CTIF: variants seen among roughly 807,000 people sequenced by gnomAD.
CTIF encodes the protein cap binding complex dependent translation initiation factor.
Under a neutral mutation model 66.0 loss-of-function variants are expected in CTIF, and 21 were observed. That is an observed-to-expected ratio of 0.32 (90% CI 0.23 to 0.46). The LOEUF is 0.46. Among genes scored for constraint, CTIF ranks in the 20% least tolerant of loss-of-function variants. The probability of loss-of-function intolerance (pLI) is 1.00; values close to 1 mark genes in which losing one functional copy is unlikely to be tolerated. For missense variants in CTIF, 739 were observed against 812.7 expected (o/e 0.91, Z 1.10); for synonymous variants, 345 against 326.4 (o/e 1.06, Z -0.62).
intron 9 of CTIF, among the ~76,000 whole-genome samples, chr18:48,775,464 C>T (rs1021464948): frequency 1.3e-5 from 2 of 152,214 alleles, no homozygotes; most frequent in South Asian, 2.1e-4. Flanking sequence ...CAGGGGCCCC[C>T]GGCACAGTAG....
chr18:48,565,326 G>A (rs2089255782), intron 1 of CTIF: 1 of 152,128 alleles, frequency 6.6e-6, no homozygotes, highest in Non-Finnish European at 1.5e-5. Flanking sequence ...CCCTTCTACA[G>A]GAAACAGCTG....
At chr18:48,639,299 G>A (rs748548161) in intron 3 of CTIF, among the ~76,000 whole-genome samples, 26 of 152,348 alleles carry the variant, frequency 1.7e-4, no homozygotes, top group Non-Finnish European at 2.1e-4. Flanking sequence ...TCAACCAGGA[G>A]TGTTTGCAGG....
At chr18:48,793,335 A>G (rs1335029852) in intron 9 of CTIF, among the ~76,000 whole-genome samples, 3 of 152,190 alleles carry the variant, frequency 2.0e-5, no homozygotes, top group Admixed American at 6.5e-5. Context: ...TTATCATTTT[A>G]TTCCTTGGTA....
At chr18:48,781,382 C>T (rs543160651) in intron 9 of CTIF, among the ~76,000 whole-genome samples, 8 of 152,062 alleles carry the variant, frequency 5.3e-5, no homozygotes, top group African/African-American at 1.4e-4. Context: ...AAAGAGGGTG[C>T]GGGGGATTTG....
At chr18:48,645,476 A>AG (rs1184842022) in intron 3 of CTIF, among the ~76,000 whole-genome samples, 1 of 152,136 alleles carries the variant, frequency 6.6e-6, no homozygotes, top group Admixed American at 6.5e-5. Context: ...GCCAAGACCA[A>AG]GTGGGAGCTC....
chr18:48,667,841 A>T (rs1568119152), intron 5 of CTIF, among the ~76,000 whole-genome samples: 1 of 152,220 alleles, frequency 6.6e-6, no homozygotes, highest in South Asian at 2.1e-4. Flanking sequence ...GTCTGAGTGC[A>T]GTGTCTGTGG....
chr18:48,658,434 T>G (rs1323759153), intron 3 of CTIF, among the ~76,000 whole-genome samples: 2 of 114,492 alleles, frequency 1.7e-5, no homozygotes, highest in Admixed American at 1.9e-4. Context: ...GGTGTGTATA[T>G]GGGTGTGGTG....
At chr18:48,839,840 TG>T (rs10716298) in intron 10 of CTIF, among the ~76,000 whole-genome samples, 24,415 of 152,136 alleles carry the variant, frequency 0.16, 2,468 homozygotes, top group Admixed American at 0.26. Context: ...TTTATGTCAC[TG>T]GGGGGCTGCA....
intron 3 of CTIF, among the ~76,000 whole-genome samples, chr18:48,641,989 A>C (rs529917463): frequency 2.0e-4 from 31 of 152,386 alleles, no homozygotes; most frequent in Non-Finnish European, 3.7e-4. Context: ...GCTACCCTTC[A>C]GTAATTATAG....
At chr18:48,783,332 C>T (rs745494870) in intron 9 of CTIF, among the ~76,000 whole-genome samples, 13 of 152,192 alleles carry the variant, frequency 8.5e-5, no homozygotes, top group Non-Finnish European at 1.5e-4. Context: ...CTGGCTACTA[C>T]TCTGAGATTG....
At chr18:48,606,392 A>G (rs1398442043) in intron 1 of CTIF, among the ~76,000 whole-genome samples, 1 of 152,220 alleles carries the variant, frequency 6.6e-6, no homozygotes. Context: ...ATACTGTTCC[A>G]GGGTCCCCAT....
chr18:48,545,385 T>C (rs2088721573), intron 1 of CTIF, among the ~76,000 whole-genome samples: 1 of 151,796 alleles, frequency 6.6e-6, no homozygotes, highest in African/African-American at 2.4e-5. Flanking sequence ...GGTGAGGCAG[T>C]AACAGGCTCT....
intron 7 of CTIF, among the ~76,000 whole-genome samples, chr18:48,715,385 C>T (rs1478647028): frequency 6.6e-6 from 1 of 152,224 alleles, no homozygotes; most frequent in African/African-American, 2.4e-5. Context: ...CAAAATTATG[C>T]ATTTTGTGAC....
In CTIF at chr18:48,690,529, A is replaced by C. The variant is rs183615469; in HGVS notation, c.507+19785A>C. On this transcript the variant is annotated intron_variant, in intron 6 of 11. Transcript: ENST00000256413. ...TTCCCTATCTTGCACCCCATGTAAC[A>C]GCACACTGGACTAGCTGTGGAGCCC... Among the ~76,000 whole-genome samples the C allele has an allele frequency of 5.9e-5, 9 of 152,266 alleles. No homozygotes were observed. In the East Asian group the frequency reaches 1.5e-3, roughly 26 times the overall value.
intron 10 of CTIF, among the ~76,000 whole-genome samples, chr18:48,823,641 A>T (rs1157276916): frequency 6.6e-6 from 1 of 152,200 alleles, no homozygotes; most frequent in Admixed American, 6.5e-5. Context: ...TGCTTTGGCT[A>T]TTTGGGCTCT....
At chr18:48,579,376 C>A (rs896018424) in intron 1 of CTIF, among the ~76,000 whole-genome samples, 1 of 152,136 alleles carries the variant, frequency 6.6e-6, no homozygotes, top group Non-Finnish European at 1.5e-5. Flanking sequence ...GCACTCCTGA[C>A]CTCAAGTGAC....
chr18:48,777,983 G>A (rs55929545), intron 9 of CTIF, among the ~76,000 whole-genome samples: 15,447 of 152,246 alleles, frequency 0.1, 1,209 homozygotes, highest in East Asian at 0.45. Context: ...GTGGGCAGCC[G>A]TAGAGTCACT....
Position 48,723,302 on chromosome 18 carries a change from T to C in CTIF, c.584+11607T>C, listed in dbSNP as rs766304613. Among the ~76,000 whole-genome samples, 6 of 152,002 alleles carry C rather than the reference T, an allele frequency of 3.9e-5. No individual in the cohort carries two copies. The South Asian group carries it at 1.0e-3, about 26-fold the overall frequency. On this transcript the variant is annotated intron_variant, in intron 7 of 11. Coordinates refer to ENST00000256413, the MANE Select transcript of CTIF (RefSeq NM_014772.3). ...GGGGTGAGGGGGCTGTCATGTCAAA[T>C]GGACTAGGGGAGGGCTGCTGCCTCA...
chr18:48,647,600 T>TA (rs1287335159), intron 3 of CTIF, among the ~76,000 whole-genome samples: 2 of 152,256 alleles, frequency 1.3e-5, no homozygotes, highest in Admixed American at 6.5e-5. Context: ...GTGTAATTTG[T>TA]AAAAAGTATA....
Sources: gnomAD v4.1 joint callset for allele counts (sites outside exome capture counted in the v4.1 genomes callset) on GRCh38, gnomAD v4.1.1 for gene constraint, MANE v1.5 for transcripts, NCBI Gene and HGNC (gene_info 2026-07-23, HGNC 2026-07-21) for gene names.